The following WWTR1 variants were observed in gnomAD, a reference collection of about 807,000 sequenced individuals.
WWTR1 encodes the protein WW domain-containing transcription regulator protein 1.
WWTR1 carries 13 observed loss-of-function variants against 40.1 expected under a neutral mutation model. That is an observed-to-expected ratio of 0.32 (90% confidence interval 0.21 to 0.52). WWTR1 has a LOEUF of 0.52. WWTR1 is among the 20% of genes least tolerant of loss of function. WWTR1 has a pLI of 0.97. For synonymous variants in WWTR1, 230 were observed against 210.1 expected (o/e 1.09, Z -0.82); for missense variants, 436 against 523.1 (o/e 0.83, Z 1.63).
rs140247971 is a variant in WWTR1, at chr3:149,720,746, G to A, written n.460-3180C>T. Among the ~76,000 whole-genome samples, 40 of 151,930 alleles carry A rather than the reference G, an allele frequency of 2.6e-4. No individual in the cohort carries two copies. The East Asian group carries it at 6.4e-3, about 24-fold the overall frequency. ...TTAACAATATTAAGTCTTCCAATCC[G>A]TGAACATGAAATAGCTCTCCATTTA... is the stretch of plus-strand genomic sequence containing the variant. On this transcript the variant is annotated intron_variant and non_coding_transcript_variant, in intron 4 of 6. Coordinates refer to the WWTR1 transcript ENST00000474080.
At chr3:149,614,224 T>C (rs1045864108) in intron 2 of WWTR1, among the ~76,000 whole-genome samples, 1 of 152,160 alleles carries the variant, frequency 6.6e-6, no homozygotes, top group Non-Finnish European at 1.5e-5. Flanking sequence ...CATAAGATCA[T>C]GATGGAGCTA....
At chr3:149,565,928 CAA>C (rs58536558) in intron 3 of WWTR1, among the ~76,000 whole-genome samples, 83 of 73,458 alleles carry the variant, frequency 1.1e-3, no homozygotes, top group Middle Eastern at 6.9e-3. Flanking sequence ...AACTCTGTCT[CAA>C]AAAAAAAAAA....
At chr3:149,524,128 C>T (rs555152062) in intron 6 of WWTR1, among the ~76,000 whole-genome samples, 2 of 152,238 alleles carry the variant, frequency 1.3e-5, no homozygotes, top group South Asian at 2.1e-4. Flanking sequence ...CTGAGGCTCA[C>T]GGAGGTTATG....
At chr3:149,574,896 A>G (rs1483133752) in intron 2 of WWTR1, among the ~76,000 whole-genome samples, 1 of 152,056 alleles carries the variant, frequency 6.6e-6, no homozygotes, top group East Asian at 1.9e-4. Context: ...AGAGTTCGAG[A>G]CCAGCCTGGC....
At chr3:149,678,542 C>A (rs1028708720) in intron 1 of WWTR1, among the ~76,000 whole-genome samples, 2 of 152,168 alleles carry the variant, frequency 1.3e-5, no homozygotes, top group Non-Finnish European at 2.9e-5. Context: ...CAGTCTATGC[C>A]ATTAGATCCC....
At chr3:149,678,396 C>T (rs1222918564) in intron 1 of WWTR1, among the ~76,000 whole-genome samples, 4 of 152,180 alleles carry the variant, frequency 2.6e-5, no homozygotes, top group Admixed American at 2.6e-4. Flanking sequence ...ACACAAACTC[C>T]CCTGGCAGTT....
intron 2 of WWTR1, among the ~76,000 whole-genome samples, chr3:149,620,786 T>C (rs1023046256): frequency 6.6e-6 from 1 of 152,180 alleles, no homozygotes; most frequent in African/African-American, 2.4e-5. Context: ...AAAGTTACAA[T>C]TGCATCTGCC....
At chr3:149,606,160 A>G (rs1739475047) in intron 2 of WWTR1, among the ~76,000 whole-genome samples, 1 of 152,172 alleles carries the variant, frequency 6.6e-6, no homozygotes, top group Non-Finnish European at 1.5e-5. Flanking sequence ...TGTACTTCCT[A>G]GCTACCAGAA....
intron 3 of WWTR1, among the ~76,000 whole-genome samples, chr3:149,548,547 A>T (rs1387066364): frequency 1.3e-5 from 2 of 152,218 alleles, no homozygotes; most frequent in African/African-American, 4.8e-5. Context: ...AGGCTCAACT[A>T]CGAAAACCAT....
intron 2 of WWTR1, 74 bp from the exon 3 acceptor site, chr3:149,573,074 T>A (rs1737722794): frequency 1.4e-6 from 2 of 1,426,658 alleles, no homozygotes; most frequent in Admixed American, 2.2e-5. Context: ...AACAGCATAA[T>A]AGTTAATGAC....
At chr3:149,633,269 G>A (rs1711634485) in intron 2 of WWTR1, among the ~76,000 whole-genome samples, 1 of 152,098 alleles carries the variant, frequency 6.6e-6, no homozygotes, top group South Asian at 2.1e-4. Context: ...CACACCTGTA[G>A]TCCTAGCTAC....
At chr3:149,573,941 G>GATATAT (rs10526073) in intron 2 of WWTR1, among the ~76,000 whole-genome samples, 188 of 149,856 alleles carry the variant, frequency 1.3e-3, no homozygotes, top group African/African-American at 4.5e-3. Context: ...GAAAGTTTGT[G>GATATAT]ATATATATAT....
chr3:149,544,493 T>C (rs1385134620), intron 3 of WWTR1, among the ~76,000 whole-genome samples: 1 of 152,194 alleles, frequency 6.6e-6, no homozygotes, highest in Non-Finnish European at 1.5e-5. Flanking sequence ...AGATGGATTT[T>C]TATGAGTGGC....
chr3:149,673,424 A>G (rs982710660), intron 1 of WWTR1, among the ~76,000 whole-genome samples: 1 of 152,208 alleles, frequency 6.6e-6, no homozygotes, highest in Non-Finnish European at 1.5e-5. Flanking sequence ...CTCAGAAAAC[A>G]TTCCATTTAA....
intron 1 of WWTR1, chr3:149,670,916 G>A (rs117333987): frequency 0.014 from 2,089 of 152,212 alleles, 31 homozygotes; most frequent in East Asian, 0.061. Context: ...TCCTCTTGCA[G>A]GAGTCCTTTC....
chr3:149,543,242 G>A (rs1736205117), intron 3 of WWTR1, among the ~76,000 whole-genome samples: 2 of 152,032 alleles, frequency 1.3e-5, no homozygotes, highest in South Asian at 4.1e-4. Flanking sequence ...TTTTTAAAAT[G>A]CTCTATTTAT....
chr3:149,662,867 A>G (rs993507299), upstream of WWTR1, among the ~76,000 whole-genome samples: 1 of 152,268 alleles, frequency 6.6e-6, no homozygotes, highest in East Asian at 1.9e-4. Context: ...ATTTGGCCTA[A>G]TTCGTTAATA....
At chr3:149,713,378 T>G (rs1348398877) in intron 5 of WWTR1, among the ~76,000 whole-genome samples, 1 of 151,982 alleles carries the variant, frequency 6.6e-6, no homozygotes, top group Non-Finnish European at 1.5e-5. Context: ...ATTTATTTAT[T>G]TTTTTTGTTT....
At chr3:149,701,642 T>C (rs1715182177) in intron 1 of WWTR1, 1 of 176,164 alleles carries the variant, frequency 5.7e-6, no homozygotes, top group East Asian at 9.5e-5. Context: ...ATGAAACTCC[T>C]ATGATCGATT....
Sources: gnomAD v4.1 joint callset for allele counts (sites outside exome capture counted in the v4.1 genomes callset) on GRCh38, gnomAD v4.1.1 for gene constraint, MANE v1.5 for transcripts, NCBI Gene and HGNC (gene_info 2026-07-23, HGNC 2026-07-21) for gene names.